Variants in SEMA6D observed in about 807,000 individuals in gnomAD.
SEMA6D encodes the protein semaphorin-6D.
A neutral mutation model predicts 106.6 loss-of-function variants in SEMA6D; 35 were observed. That is an observed-to-expected ratio of 0.33 (90% confidence interval 0.25 to 0.44). The LOEUF is 0.44. SEMA6D is among the 20% of genes least tolerant of loss of function. SEMA6D has a pLI of 1.00. For missense variants in SEMA6D, 1,185 were observed against 1,345.9 expected, an observed-to-expected ratio of 0.88 and a Z score of 1.87; for synonymous variants, 499 against 487.7, an observed-to-expected ratio of 1.02 and a Z score of -0.31.
intron 1 of SEMA6D, among the ~76,000 whole-genome samples, chr15:47,268,061 C>T (rs1242445181): frequency 6.6e-6 from 1 of 152,008 alleles, no homozygotes; most frequent in East Asian, 1.9e-4. Context: ...AATCAAAGAC[C>T]CCACCCAAGA....
chr15:47,489,267 G>A (rs922713034), intron 3 of SEMA6D, among the ~76,000 whole-genome samples: 15 of 152,154 alleles, frequency 9.9e-5, no homozygotes, highest in African/African-American at 3.1e-4. Context: ...TTTGGAGGGG[G>A]CACCGCCCTG....
At chr15:47,373,514 A>C (rs564136924) in intron 1 of SEMA6D, among the ~76,000 whole-genome samples, 1 of 152,246 alleles carries the variant, frequency 6.6e-6, no homozygotes, top group East Asian at 1.9e-4. Context: ...TGGAGTGAGC[A>C]AAAAGGGCCT....
At chr15:47,296,293 T>C (rs1367277076) in intron 1 of SEMA6D, among the ~76,000 whole-genome samples, 1 of 152,180 alleles carries the variant, frequency 6.6e-6, no homozygotes, top group African/African-American at 2.4e-5. Flanking sequence ...GTGGATATAG[T>C]AATAGGCCTA....
intron 2 of SEMA6D, among the ~76,000 whole-genome samples, chr15:47,439,038 A>G (rs1595997854): frequency 6.6e-6 from 1 of 152,004 alleles, no homozygotes; most frequent in East Asian, 1.9e-4. Flanking sequence ...TGAGTTCACC[A>G]GCTAAAAGAA....
chr15:47,236,215 A>T (rs1026631141), intron 1 of SEMA6D, among the ~76,000 whole-genome samples: 6 of 152,104 alleles, frequency 3.9e-5, no homozygotes, highest in African/African-American at 1.4e-4. Flanking sequence ...AGAGTCTTTT[A>T]ATCTGCCATT....
intron 18 of SEMA6D, among the ~76,000 whole-genome samples, 183 bp downstream of exon 18, chr15:47,768,931 A>G (rs1366089384): frequency 1.3e-5 from 2 of 152,172 alleles, no homozygotes; most frequent in African/African-American, 4.8e-5. Context: ...CTTAAAAGAT[A>G]AAAGAGGTGG....
chr15:47,471,931 TCACACACACACA>T (rs1168586101), intron 3 of SEMA6D, among the ~76,000 whole-genome samples: 27 of 121,502 alleles, frequency 2.2e-4, no homozygotes, highest in East Asian at 1.7e-3. Context: ...TCTCTCTCTC[TCACACACACACA>T]CACACACACA....
chr15:47,230,760 A>G (rs2032131527), intron 1 of SEMA6D, among the ~76,000 whole-genome samples: 1 of 152,004 alleles, frequency 6.6e-6, no homozygotes, highest in African/African-American at 2.4e-5. Flanking sequence ...CCTGAGAAAC[A>G]CTAGGGGTGA....
At chr15:47,614,281 C>T (rs894789172) in intron 4 of SEMA6D, among the ~76,000 whole-genome samples, 1 of 152,194 alleles carries the variant, frequency 6.6e-6, no homozygotes, top group Non-Finnish European at 1.5e-5. Flanking sequence ...TCGCAGTGTC[C>T]ATTGCAAACA....
intron 1 of SEMA6D, among the ~76,000 whole-genome samples, chr15:47,354,066 CAT>C: frequency 6.7e-6 from 1 of 150,374 alleles, no homozygotes; most frequent in Non-Finnish European, 1.5e-5. Flanking sequence ...TCTCTCTCTA[CAT>C]ATATATATGT....
intron 1 of SEMA6D, among the ~76,000 whole-genome samples, chr15:47,330,632 G>A (rs1295340641): frequency 6.6e-6 from 1 of 152,170 alleles, no homozygotes; most frequent in Non-Finnish European, 1.5e-5. Flanking sequence ...AGAATCCGTG[G>A]ACTCACAAAG....
intron 3 of SEMA6D, among the ~76,000 whole-genome samples, chr15:47,578,393 AT>A (rs1259023771): frequency 2.6e-5 from 4 of 152,352 alleles, no homozygotes; most frequent in Admixed American, 1.3e-4. Flanking sequence ...GTTCCTTCAG[AT>A]TTTGTGTTTG....
intron 1 of SEMA6D, among the ~76,000 whole-genome samples, chr15:47,267,305 CT>C (rs982715512): frequency 7.3e-5 from 11 of 150,882 alleles, no homozygotes; most frequent in Admixed American, 4.6e-4. Flanking sequence ...GGGGAAGTCT[CT>C]TTTTTTTTCT....
intron 3 of SEMA6D, among the ~76,000 whole-genome samples, chr15:47,593,755 G>A (rs1596387261): frequency 6.6e-6 from 1 of 152,178 alleles, no homozygotes; most frequent in Non-Finnish European, 1.5e-5. Context: ...TTCAGAGGAG[G>A]TCTCAGGAAA....
chr15:47,295,574 G>A (rs181422927), intron 1 of SEMA6D, among the ~76,000 whole-genome samples: 4 of 152,314 alleles, frequency 2.6e-5, no homozygotes, highest in Admixed American at 2.6e-4. Flanking sequence ...GTGTGTGAAG[G>A]AGGAAAGAAA....
intron 1 of SEMA6D, among the ~76,000 whole-genome samples, chr15:47,293,684 G>A (rs1388731534): frequency 6.6e-6 from 1 of 152,198 alleles, no homozygotes; most frequent in Non-Finnish European, 1.5e-5. Context: ...ATGGCAGTAG[G>A]GAGTAGGAAA....
chr15:47,296,054 G>A (rs1228011553), intron 1 of SEMA6D, among the ~76,000 whole-genome samples: 1 of 152,180 alleles, frequency 6.6e-6, no homozygotes, highest in East Asian at 1.9e-4. Flanking sequence ...CCAAGTGTCA[G>A]TTTTCTGATG....
intron 4 of SEMA6D, among the ~76,000 whole-genome samples, chr15:47,607,112 T>C (rs980716474): frequency 3.9e-5 from 6 of 152,120 alleles, no homozygotes; most frequent in Non-Finnish European, 5.9e-5. Context: ...ATCAGATAGA[T>C]ACCTTTTGGT....
chr15:47,247,103 C>G (rs1319903922), intron 1 of SEMA6D, among the ~76,000 whole-genome samples: 2 of 152,158 alleles, frequency 1.3e-5, no homozygotes, highest in Admixed American at 6.5e-5. Flanking sequence ...AGTAGAAAAA[C>G]TACACTAGAA....
Sources: allele counts gnomAD v4.1 joint callset (sites outside exome capture counted in the v4.1 genomes callset), GRCh38; gene constraint gnomAD v4.1.1; transcripts MANE v1.5; gene names NCBI Gene and HGNC (gene_info 2026-07-23, HGNC 2026-07-21).